The following VPS41 variants were observed in gnomAD, a reference collection of about 807,000 sequenced individuals.
VPS41 encodes vacuolar protein sorting-associated protein 41 homolog.
VPS41 carries 85 observed loss-of-function variants against 130.9 expected under a neutral mutation model. The ratio of observed to expected loss-of-function variants is 0.65; its 90% CI spans 0.55 to 0.78. The LOEUF is 0.78. Among genes scored for constraint, VPS41 ranks in the 30% least tolerant of loss-of-function variants. VPS41 has a pLI of 0.00. For synonymous variants in VPS41, 335 were observed against 332.9 expected, an observed-to-expected ratio of 1.01 and a Z score of -0.07; for missense variants, 874 against 1,018.7, an observed-to-expected ratio of 0.86 and a Z score of 1.93.
intron 2 of VPS41, among the ~76,000 whole-genome samples, chr7:38,894,861 A>G (rs989029644): frequency 6.6e-6 from 1 of 152,160 alleles, no homozygotes; most frequent in Non-Finnish European, 1.5e-5. Flanking sequence ...CCTCCTCATC[A>G]GCTGTAGGAC....
At chr7:38,802,995 G>C (rs928675421) in intron 7 of VPS41, among the ~76,000 whole-genome samples, 15 of 152,168 alleles carry the variant, frequency 9.9e-5, no homozygotes, top group African/African-American at 3.1e-4. Context: ...AAGTATTTTA[G>C]GGCTTTATTT....
At chr7:38,774,076 T>TA (rs1784206188) in intron 12 of VPS41, 39 bp downstream of exon 12, 1 of 1,533,696 alleles carries the variant, frequency 6.5e-7, no homozygotes, top group Admixed American at 1.9e-5. Context: ...GAAAAAAACA[T>TA]TAAAAAAGCA....
chr7:38,768,674 G>A (rs530731022), intron 14 of VPS41, among the ~76,000 whole-genome samples: 6 of 152,048 alleles, frequency 3.9e-5, no homozygotes, highest in African/African-American at 1.4e-4. Flanking sequence ...CAGATCACAC[G>A]TAACAATTCT....
intron 25 of VPS41, among the ~76,000 whole-genome samples, chr7:38,733,756 C>T (rs980881516): frequency 6.6e-6 from 1 of 152,140 alleles, no homozygotes; most frequent in African/African-American, 2.4e-5. Context: ...TTAACCTTTG[C>T]TTTGTAACCT....
At chr7:38,816,183 CT>C (rs1161992995) in intron 7 of VPS41, among the ~76,000 whole-genome samples, 1 of 152,150 alleles carries the variant, frequency 6.6e-6, no homozygotes, top group Non-Finnish European at 1.5e-5. Flanking sequence ...GTAATTCCCA[CT>C]AATTAGTCCC....
intron 6 of VPS41, among the ~76,000 whole-genome samples, chr7:38,818,830 AAACAT>A (rs1293581782): frequency 6.6e-6 from 1 of 152,184 alleles, no homozygotes; most frequent in Non-Finnish European, 1.5e-5. Flanking sequence ...ACCTTCAATT[AAACAT>A]ATTTTATACT....
chr7:38,757,438 A>G (rs1028284188), intron 18 of VPS41, among the ~76,000 whole-genome samples: 1 of 152,168 alleles, frequency 6.6e-6, no homozygotes, highest in Non-Finnish European at 1.5e-5. Flanking sequence ...CCATTGAAAC[A>G]ATGTTTTTCA....
chr7:38,904,492 A>T (rs1023504602), intron 1 of VPS41, among the ~76,000 whole-genome samples: 2 of 152,284 alleles, frequency 1.3e-5, no homozygotes, highest in African/African-American at 4.8e-5. Context: ...TAAAATATCT[A>T]TCTTAGCCAA....
chr7:38,809,298 C>A (rs1055470464), intron 7 of VPS41, among the ~76,000 whole-genome samples: 1 of 149,832 alleles, frequency 6.7e-6, no homozygotes, highest in African/African-American at 2.4e-5. Flanking sequence ...GCCTGGCCAA[C>A]ATAGTGAAAC....
intron 28 of VPS41, 109 bp downstream of exon 28, chr7:38,726,799 AT>A (rs988276139): frequency 1.1e-3 from 1,012 of 919,122 alleles, no homozygotes; most frequent in South Asian, 1.4e-3. Context: ...CCACATTGTA[AT>A]TTTTTTTTAA....
intron 25 of VPS41, chr7:38,741,315 C>A: frequency 2.9e-6 from 1 of 344,748 alleles, no homozygotes; most frequent in Non-Finnish European, 5.8e-6. Context: ...AATTCAAGTT[C>A]TATAGAAGTT....
intron 4 of VPS41, among the ~76,000 whole-genome samples, chr7:38,834,095 T>C (rs1008082360): frequency 7.9e-6 from 1 of 127,062 alleles, no homozygotes; most frequent in African/African-American, 3.2e-5. Context: ...TCAATATCCA[T>C]TCATGGTATT....
chr7:38,729,411 G>GGT (rs35778384), intron 25 of VPS41, among the ~76,000 whole-genome samples: 10,602 of 151,080 alleles, frequency 0.07, 447 homozygotes, highest in South Asian at 0.13. Flanking sequence ...CTATGAATGT[G>GGT]GTGTGTGTGT....
chr7:38,905,724 A>C (rs1394373539), intron 1 of VPS41, among the ~76,000 whole-genome samples: 2 of 152,162 alleles, frequency 1.3e-5, no homozygotes, highest in African/African-American at 4.8e-5. Context: ...ACCAAGAAAA[A>C]AATGTATGCC....
At chr7:38,813,081 CA>C (rs755713536) in intron 7 of VPS41, among the ~76,000 whole-genome samples, 1 of 152,144 alleles carries the variant, frequency 6.6e-6, no homozygotes, top group Non-Finnish European at 1.5e-5. Flanking sequence ...ATGTTCATAG[CA>C]GCATTATTCA....
intron 4 of VPS41, among the ~76,000 whole-genome samples, chr7:38,860,679 C>T (rs1786085442): frequency 6.7e-6 from 1 of 148,820 alleles, no homozygotes; most frequent in African/African-American, 2.5e-5. Context: ...AGGAATTAAG[C>T]TATTATTAAC....
intron 4 of VPS41, among the ~76,000 whole-genome samples, chr7:38,852,554 T>C (rs1232815634): frequency 6.6e-6 from 1 of 152,160 alleles, no homozygotes; most frequent in African/African-American, 2.4e-5. Context: ...ATGAAAAATA[T>C]CCATTAAGTA....
intron 5 of VPS41, among the ~76,000 whole-genome samples, chr7:38,821,854 TA>T (rs897165111): frequency 6.6e-6 from 1 of 152,202 alleles, no homozygotes; most frequent in African/African-American, 2.4e-5. Context: ...TGCATGCCAT[TA>T]AAACAATGAA....
At chr7:38,889,306 A>T (rs1282267154) in intron 2 of VPS41, among the ~76,000 whole-genome samples, 1 of 151,886 alleles carries the variant, frequency 6.6e-6, no homozygotes, top group Non-Finnish European at 1.5e-5. Context: ...AAATAAGACA[A>T]ATAAAAGAAA....
Sources: allele counts gnomAD v4.1 joint callset (sites outside exome capture counted in the v4.1 genomes callset), GRCh38; gene constraint gnomAD v4.1.1; transcripts MANE v1.5; gene names NCBI Gene and HGNC (gene_info 2026-07-23, HGNC 2026-07-21).